NTRK3: variants seen among roughly 807,000 people sequenced by gnomAD.
NTRK3 encodes neurotrophic receptor tyrosine kinase 3.
In NTRK3, 24 loss-of-function variants were observed where a neutral mutation model predicts 91.7. The ratio of observed to expected loss-of-function variants is 0.26; its 90% CI spans 0.19 to 0.37. The LOEUF is 0.37. Among genes scored for constraint, NTRK3 ranks in the 10% least tolerant of loss-of-function variants. NTRK3 has a pLI of 1.00. For synonymous variants in NTRK3, 483 were observed against 404.0 expected (o/e 1.20, Z -2.34); for missense variants, 880 against 1,068.9 (o/e 0.82, Z 2.46).
chr15:88,228,829 T>A (rs1396797704), intron 3 of NTRK3, among the ~76,000 whole-genome samples: 1 of 152,042 alleles, frequency 6.6e-6, no homozygotes, highest in Admixed American at 6.5e-5. Context: ...CACCTTGCCA[T>A]AGAGATTGAA....
intron 14 of NTRK3, among the ~76,000 whole-genome samples, chr15:88,015,932 T>C (rs60072641): frequency 0.02 from 3,012 of 151,590 alleles, 94 homozygotes; most frequent in African/African-American, 0.069. Flanking sequence ...CCATTAAAAA[T>C]AGTGGCATTG....
intron 3 of NTRK3, among the ~76,000 whole-genome samples, chr15:88,207,481 TAC>T (rs755701698): frequency 4.6e-5 from 7 of 152,222 alleles, no homozygotes; most frequent in African/African-American, 7.2e-5. Context: ...CAAGATGAAA[TAC>T]ACACAGCTGT....
At chr15:87,860,790 C>A (rs1006522868) in exon 19 of NTRK3, 6 of 212,404 alleles carry the variant, frequency 2.8e-5, no homozygotes, top group Non-Finnish European at 5.7e-5. Context: ...TTTCCAGAAG[C>A]CTGGGAGAAA....
chr15:87,904,435 C>T (rs572251648), intron 17 of NTRK3, among the ~76,000 whole-genome samples: 8 of 152,272 alleles, frequency 5.3e-5, no homozygotes, highest in East Asian at 3.9e-4. Flanking sequence ...GGATTACAGG[C>T]GTGAGCCACC....
intron 14 of NTRK3, among the ~76,000 whole-genome samples, chr15:88,012,840 C>T (rs138924848): frequency 8.5e-5 from 13 of 152,346 alleles, no homozygotes; most frequent in Admixed American, 8.5e-4. Context: ...ATGCAGACTG[C>T]TGAATCCCAT....
At chr15:88,174,879 A>T (rs972194981) in intron 5 of NTRK3, among the ~76,000 whole-genome samples, 1 of 152,206 alleles carries the variant, frequency 6.6e-6, no homozygotes, top group Non-Finnish European at 1.5e-5. Flanking sequence ...CCGTTTCTGC[A>T]ATCTGTCAAA....
chr15:88,021,709 T>C (rs927962420), intron 14 of NTRK3, among the ~76,000 whole-genome samples: 4 of 152,196 alleles, frequency 2.6e-5, no homozygotes, highest in African/African-American at 7.2e-5. Context: ...GGCTAAGATG[T>C]AGGTAGAGCT....
intron 10 of NTRK3, chr15:88,131,949 G>C (rs943898532): frequency 3.5e-5 from 7 of 202,370 alleles, no homozygotes; most frequent in Non-Finnish European, 5.1e-5. Context: ...GGAACAATCT[G>C]GACATGAACT....
chr15:87,967,397 T>C (rs74027731), intron 14 of NTRK3, among the ~76,000 whole-genome samples: 216 of 152,258 alleles, frequency 1.4e-3, no homozygotes, highest in Middle Eastern at 6.8e-3. Flanking sequence ...CCAATCTTCC[T>C]ATACCGAAGC....
At chr15:88,012,452 T>C (rs2076948592) in intron 14 of NTRK3, among the ~76,000 whole-genome samples, 1 of 152,190 alleles carries the variant, frequency 6.6e-6, no homozygotes, top group Non-Finnish European at 1.5e-5. Flanking sequence ...TTTGGCAAAC[T>C]TGCCCATTTG....
chr15:87,867,028 AC>A, exon 19 of NTRK3: 1 of 222,802 alleles, frequency 4.5e-6, no homozygotes, highest in Non-Finnish European at 9.0e-6. Flanking sequence ...TTAAAAGAAA[AC>A]GTGTTTGGAG....
chr15:87,867,952 C>T (rs1567049321), exon 19 of NTRK3: 2 of 228,662 alleles, frequency 8.7e-6, no homozygotes, highest in African/African-American at 4.4e-5. Context: ...ATGTAGTCTC[C>T]CTTGAAAAAG....
chr15:88,211,158 G>A (rs903596486), intron 3 of NTRK3, among the ~76,000 whole-genome samples: 2 of 152,120 alleles, frequency 1.3e-5, no homozygotes, highest in Non-Finnish European at 1.5e-5. Context: ...AAAATATCCT[G>A]TATCTATTGA....
chr15:88,004,200 C>T (rs1027785090), intron 14 of NTRK3, among the ~76,000 whole-genome samples: 2 of 152,140 alleles, frequency 1.3e-5, no homozygotes, highest in African/African-American at 4.8e-5. Flanking sequence ...CCTGATCTCT[C>T]CATCCTTAAT....
chr15:88,189,678 A>G (rs1226658857), intron 3 of NTRK3, among the ~76,000 whole-genome samples: 1 of 152,144 alleles, frequency 6.6e-6, no homozygotes, highest in Non-Finnish European at 1.5e-5. Flanking sequence ...TCCTTACCTC[A>G]GGTGATCCAC....
At chr15:88,012,027 G>A (rs529001522) in intron 14 of NTRK3, among the ~76,000 whole-genome samples, 2 of 152,226 alleles carry the variant, frequency 1.3e-5, no homozygotes, top group Admixed American at 6.5e-5. Context: ...AGAAACATGG[G>A]GAGAGAGCAC....
Position 87,859,831 on chromosome 15 carries a change from A to G in NTRK3, c.*17104T>C, listed in dbSNP as rs944664085. On this transcript the variant is annotated 3_prime_UTR_variant, in exon 19 of 19. Coordinates refer to ENST00000394480, the Ensembl canonical transcript of NTRK3. ...TACAGGTCTACACACGATTTCATCA[A>G]TCAATAAATGGAGTTGTTAACATAA... 8 of 179,350 alleles carry G rather than the reference A, an allele frequency of 4.5e-5. No individual in the cohort carries two copies. In the Admixed American group the frequency reaches 5.0e-4, roughly 11 times the overall value. The allele number at this position is 179,350 out of a possible 1,614,324, so 11.1% of individuals were successfully genotyped here.
intron 14 of NTRK3, among the ~76,000 whole-genome samples, chr15:87,980,475 GTGTA>G (rs544227635): frequency 1.8e-4 from 27 of 151,200 alleles, no homozygotes; most frequent in East Asian, 7.7e-4. Context: ...ATGTGGATGT[GTGTA>G]TGTGTTTCCA....
In NTRK3 at chr15:88,037,228, G is replaced by A. The variant is rs2079152581; in HGVS notation, c.1397-4183C>T. On this transcript the variant is annotated intron_variant, in intron 13 of 18. Transcript: ENST00000394480. Reference sequence around the variant, plus strand: ...GGAGCAAGGAAAAAGAGAACTGCCAGAGATGTGAAAGGAAACCAGAAAAGG... The same window carrying A: ...GGAGCAAGGAAAAAGAGAACTGCCAAAGATGTGAAAGGAAACCAGAAAAGG... Among the ~76,000 whole-genome samples, 7 of 152,296 alleles carry A rather than the reference G, an allele frequency of 4.6e-5. No homozygotes were observed. The South Asian group carries it at 1.5e-3, about 32-fold the overall frequency.
Sources: allele counts gnomAD v4.1 joint callset (sites outside exome capture counted in the v4.1 genomes callset), GRCh38; gene constraint gnomAD v4.1.1; transcripts MANE v1.5; gene names NCBI Gene and HGNC (gene_info 2026-07-23, HGNC 2026-07-21).